IARS1: variants seen among roughly 807,000 people sequenced by gnomAD.
The protein encoded by IARS1 is isoleucyl-tRNA synthetase 1.
Under a neutral mutation model 168.2 loss-of-function variants are expected in IARS1, and 124 were observed. The ratio of observed to expected loss-of-function variants is 0.74; its 90% CI spans 0.64 to 0.86. The LOEUF (loss-of-function observed/expected upper bound fraction) is 0.86. Among genes scored for constraint, IARS1 ranks in the 40% least tolerant of loss-of-function variants. IARS1 has a pLI of 0.00. For synonymous variants in IARS1, 532 were observed against 529.4 expected, an observed-to-expected ratio of 1.00 and a Z score of -0.07; for missense variants, 1,452 against 1,515.8, an observed-to-expected ratio of 0.96 and a Z score of 0.70.
rs1835354179 is a variant in IARS1, at chr9:92,285,768, G to A, written c.551C>T (p.Ala184Val). Residue 184 changes from alanine (A) to valine (V), a missense_variant, in exon 6 of 34, where the codon GCA becomes GTA. Physicochemically the swap from Ala to Val is moderately conservative, Grantham distance 64. Transcript: ENST00000443024. ...GAAGTTGGAAAGTGGAGTGTTACATGCCGTAGAGAAGGGCATGACTTTCAC... is the reference window on the plus strand; with the variant it reads ...GAAGTTGGAAAGTGGAGTGTTACATACCGTAGAGAAGGGCATGACTTTCAC... ...RGVKVMPFST[A>V]CNTPLSNFES... The A allele has an allele frequency of 1.9e-6, 3 of 1,613,346 alleles. No individual in the cohort carries two copies. The highest frequency in any genetic ancestry group is 1.7e-6 in the Non-Finnish European group (2 of 1,179,420).
At chr9:92,213,010 C>A (rs550619797) in intron 33 of IARS1, among the ~76,000 whole-genome samples, 3 of 151,808 alleles carry the variant, frequency 2.0e-5, no homozygotes, top group African/African-American at 7.3e-5. Context: ...AGAGGGAAAA[C>A]GACAAAGGAG....
At position 92,278,295 on chromosome 9, in the gene IARS1, A is replaced by G. The variant is rs200895432; in HGVS notation, c.746-9T>C. ...TCGTCCTCTGGCAACATCTACGAGA[A>G]AAAGGAAAAACATGGACTTGGGTTA... On this transcript the variant is annotated splice_polypyrimidine_tract_variant and intron_variant, in intron 7 of 33. Transcript: ENST00000443024. 3.2e-5 allele frequency: 51 copies of G among 1,584,314 alleles called. No individual in the cohort carries two copies. The highest frequency in any genetic ancestry group is 4.1e-5 in the Non-Finnish European group (47 of 1,153,194).
chr9:92,273,579 A>C (rs1454085942), intron 10 of IARS1, among the ~76,000 whole-genome samples: 2 of 152,256 alleles, frequency 1.3e-5, no homozygotes. Flanking sequence ...TCTTCTGTGT[A>C]TGTTTCAAGA....
chr9:92,229,007 CATCATGGAA>C lies in IARS1; in HGVS notation c.3394_3402del (p.Phe1132_Asp1134del). The C allele has an allele frequency of 6.2e-7, 1 of 1,614,088 alleles. No individual in the cohort carries two copies. Among genetic ancestry groups the C allele is most frequent in the Non-Finnish European group, 8.5e-7 (1 of 1,180,020 alleles). On this transcript the variant is annotated inframe_deletion, in exon 31 of 34. Transcript: ENST00000443024. The stretch of plus-strand genomic sequence containing the variant: ...CCTCTCACTTTCCACATACCTGTTT[CATCATGGAA>C]GACAGCCAGCTCTGTATTTTTCACA...
At chr9:92,289,656 C>T (rs1007931386) in intron 1 of IARS1, among the ~76,000 whole-genome samples, 5 of 152,144 alleles carry the variant, frequency 3.3e-5, no homozygotes, top group African/African-American at 1.2e-4. Flanking sequence ...TTTTCAACCT[C>T]CCCTCCCCAC....
At chr9:92,252,837 C>T (rs992056294) in intron 21 of IARS1, among the ~76,000 whole-genome samples, 1 of 139,502 alleles carries the variant, frequency 7.2e-6, no homozygotes, top group Non-Finnish European at 1.5e-5. Flanking sequence ...ATTGGGCCTG[C>T]AGTAAAGAGA....
intron 25 of IARS1, among the ~76,000 whole-genome samples, chr9:92,249,644 T>C (rs1047410037): frequency 6.6e-6 from 1 of 152,170 alleles, no homozygotes; most frequent in Non-Finnish European, 1.5e-5. Flanking sequence ...TGATAGATGA[T>C]AGGTAAAGAA....
Position 92,269,878 on chromosome 9 carries a change from T to G in IARS1, c.1304+7A>C. ...GACACTATGAAGAAACACATCTTAC[T>G]GCTCACCAGTAGCACAGGTCATTGT... On this transcript the variant is annotated splice_region_variant and intron_variant, in intron 13 of 33. Coordinates refer to ENST00000443024, the MANE Select transcript of IARS1 (RefSeq NM_002161.6). 1.3e-6 allele frequency: 2 copies of G among 1,593,018 alleles called. No homozygotes were observed. Among genetic ancestry groups the G allele is most frequent in the Non-Finnish European group, 1.7e-6 (2 of 1,161,006 alleles).
intron 18 of IARS1, 98 bp downstream of exon 18, chr9:92,260,053 C>A: frequency 1.2e-6 from 1 of 818,692 alleles, no homozygotes; most frequent in Non-Finnish European, 2.0e-6. Context: ...TGCTAAAAAC[C>A]TAACTATAAA....
At chr9:92,228,592 T>G (rs960016612) in intron 31 of IARS1, among the ~76,000 whole-genome samples, 6 of 152,088 alleles carry the variant, frequency 3.9e-5, no homozygotes, top group Non-Finnish European at 5.9e-5. Flanking sequence ...GGCATGCCTG[T>G]AGTCCCAGTT....
intron 30 of IARS1, among the ~76,000 whole-genome samples, chr9:92,231,022 T>G (rs1399819132): frequency 6.6e-6 from 1 of 152,214 alleles, no homozygotes; most frequent in Non-Finnish European, 1.5e-5. Flanking sequence ...AAAGATTTTC[T>G]CCCAGTCTGT....
chr9:92,279,251 G>GT (rs1564185900), intron 7 of IARS1, among the ~76,000 whole-genome samples: 1 of 152,210 alleles, frequency 6.6e-6, no homozygotes, highest in African/African-American at 2.4e-5. Context: ...GAACTTCATT[G>GT]TAAGTGGGGA....
chr9:92,288,939 T>C lies in IARS1; in HGVS notation c.119+362A>G, dbSNP rs1477546576. ...AGTATCTGCTTTAGGCCGCGCGTGATGGCTCACACTTGTAATCCCAGCACT... is the reference window on the plus strand; with the variant it reads ...AGTATCTGCTTTAGGCCGCGCGTGACGGCTCACACTTGTAATCCCAGCACT... On this transcript the variant is annotated intron_variant, in intron 2 of 33. Transcript: ENST00000443024. Among the ~76,000 whole-genome samples the C allele has an allele frequency of 2.6e-5, 4 of 152,156 alleles. No homozygotes were observed. In the East Asian group the frequency reaches 7.7e-4, roughly 29 times the overall value.
Position 92,293,403 on chromosome 9 carries a change from T to C in IARS1, c.-8+208A>G. ...CAGCTATATCAATTTATACTATGTA[T>C]ATCATTTTAAAAAGATTTTACTCAT... On this transcript the variant is annotated intron_variant, in intron 1 of 33. Coordinates refer to ENST00000443024, the MANE Select transcript of IARS1 (RefSeq NM_002161.6). 5 of 528,036 alleles carry C rather than the reference T, an allele frequency of 9.5e-6. 1 individual carries two copies. Among genetic ancestry groups the C allele is most frequent in the South Asian group, 7.0e-5 (5 of 71,090 alleles). The allele number at this position is 528,036 out of a possible 1,614,324, so 32.7% of individuals were successfully genotyped here.
chr9:92,252,280 G>A (rs1164322819), intron 21 of IARS1: 7 of 448,282 alleles, frequency 1.6e-5, no homozygotes, highest in Non-Finnish European at 3.1e-5. Flanking sequence ...AGTATATAAT[G>A]TGTATTAAAA....
chr9:92,284,961 G>T (rs1175942073), intron 6 of IARS1, among the ~76,000 whole-genome samples: 3 of 152,124 alleles, frequency 2.0e-5, no homozygotes, highest in Non-Finnish European at 2.9e-5. Flanking sequence ...GCCTTACAAG[G>T]ATTTACAAAG....
At position 92,222,692 on chromosome 9, in the gene IARS1, C is replaced by T. The variant is rs1317432426; in HGVS notation, c.3554-20G>A. On this transcript the variant is annotated intron_variant, in intron 32 of 33. Transcript: ENST00000443024. ...AACACTCTGTGGAAGACAGAACAAA[C>T]TGGATTAAATCTCGAGAGTTCACCC... is the stretch of plus-strand genomic sequence containing the variant. The T allele has an allele frequency of 1.2e-6, 2 of 1,613,052 alleles. No individual in the cohort carries two copies. The highest frequency in any genetic ancestry group is 1.7e-6 in the Non-Finnish European group (2 of 1,179,526).
chr9:92,250,229 T>C lies in IARS1; in HGVS notation c.2490A>G (p.Glu830=), dbSNP rs1829814196. ...TTCGGTCTCTGATCACTCTTCCAAG[T>C]TCAATCACAGACTGCATCTGAGATA... ...SAVSQMQSVI[E]LGRVIRDRKT... is the part of the protein sequence containing the mutation. Residue 830 remains glutamate, a synonymous_variant, in exon 24 of 34, where the codon GAA becomes GAG. Coordinates refer to ENST00000443024, the MANE Select transcript of IARS1 (RefSeq NM_002161.6). The C allele has an allele frequency of 1.2e-6, 2 of 1,613,180 alleles. No homozygotes were observed. Among genetic ancestry groups the C allele is most frequent in the Non-Finnish European group, 8.5e-7 (1 of 1,179,244 alleles).
intron 30 of IARS1, among the ~76,000 whole-genome samples, chr9:92,230,378 G>C (rs778990026): frequency 1.3e-5 from 2 of 152,158 alleles, no homozygotes; most frequent in Non-Finnish European, 2.9e-5. Flanking sequence ...TTCCCAAAGT[G>C]CTGGGATTAC....
Sources: gnomAD v4.1 joint callset for allele counts (sites outside exome capture counted in the v4.1 genomes callset) on GRCh38, gnomAD v4.1.1 for gene constraint, MANE v1.5 for transcripts, NCBI Gene and HGNC (gene_info 2026-07-23, HGNC 2026-07-21) for gene names.